The following GFRA1 variants were observed in gnomAD, a reference collection of about 807,000 sequenced individuals.
GFRA1 encodes the protein GDNF family receptor alpha-1.
GFRA1 carries 16 observed loss-of-function variants against 51.6 expected under a neutral mutation model. The ratio of observed to expected loss-of-function variants is 0.31; its 90% CI spans 0.21 to 0.47. The LOEUF (loss-of-function observed/expected upper bound fraction) is 0.47. GFRA1 is among the 20% of genes least tolerant of loss of function. GFRA1 has a pLI of 1.00. For synonymous variants in GFRA1, 270 were observed against 241.3 expected (o/e 1.12, Z -1.10); for missense variants, 530 against 594.3 (o/e 0.89, Z 1.13).
At chr10:116,211,741 C>A in intron 4 of GFRA1, 96 bp from the exon 5 acceptor site, 1 of 999,960 alleles carries the variant, frequency 1.0e-6, no homozygotes, top group East Asian at 2.6e-5. Flanking sequence ...ATGATGATGA[C>A]ATATGCTGAC....
At chr10:116,087,735 G>A (rs2133863528) in intron 9 of GFRA1, among the ~76,000 whole-genome samples, 2 of 152,254 alleles carry the variant, frequency 1.3e-5, no homozygotes, top group East Asian at 3.9e-4. Context: ...AAGAAGCTTG[G>A]AAGGCTGACC....
At chr10:116,211,360 C>T (rs59595929) in intron 5 of GFRA1, among the ~76,000 whole-genome samples, 2,391 of 152,294 alleles carry the variant, frequency 0.016, 65 homozygotes, top group African/African-American at 0.056. Context: ...TTCCAGGGCC[C>T]AGCCACAGAC....
intron 4 of GFRA1, among the ~76,000 whole-genome samples, chr10:116,246,431 C>T (rs555503033): frequency 6.6e-6 from 1 of 152,174 alleles, no homozygotes; most frequent in East Asian, 1.9e-4. Context: ...GACTCCGTCT[C>T]TAAATAAATA....
At chr10:116,198,200 G>A (rs941602574) in intron 5 of GFRA1, among the ~76,000 whole-genome samples, 10 of 151,790 alleles carry the variant, frequency 6.6e-5, no homozygotes, top group African/African-American at 1.9e-4. Context: ...GCCCCCACAC[G>A]ATACAGGTGG....
rs183121237 is a variant in GFRA1, at chr10:116,193,330, T to G, written c.433+18301A>C. ...AAGAAACAGAAAGCGTTTTTAAGAC[T>G]TTGGGGTTTTTTGAGTTGATTCTTA... On this transcript the variant is annotated intron_variant, in intron 5 of 10. Transcript: ENST00000355422. Among the ~76,000 whole-genome samples the G allele has an allele frequency of 4.3e-3, 651 of 152,262 alleles. 3 individuals carry two copies. Among genetic ancestry groups the G allele is most frequent in the African/African-American group, 0.014 (585 of 41,556 alleles).
intron 5 of GFRA1, among the ~76,000 whole-genome samples, chr10:116,127,171 T>C (rs1472592171): frequency 6.6e-6 from 1 of 152,208 alleles, no homozygotes; most frequent in African/African-American, 2.4e-5. Flanking sequence ...GAATAAGTTC[T>C]AGAGATCTGC....
At chr10:116,157,249 A>G (rs1380382960) in intron 5 of GFRA1, among the ~76,000 whole-genome samples, 2 of 152,224 alleles carry the variant, frequency 1.3e-5, no homozygotes, top group Non-Finnish European at 2.9e-5. Context: ...CTGACTTGAA[A>G]TCAAATTGTC....
chr10:116,200,526 G>C (rs1388264766), intron 5 of GFRA1, among the ~76,000 whole-genome samples: 1 of 152,188 alleles, frequency 6.6e-6, no homozygotes, highest in Non-Finnish European at 1.5e-5. Context: ...ATCTGCTATA[G>C]CTAAATATCT....
At chr10:116,178,901 T>A (rs1482720910) in intron 5 of GFRA1, among the ~76,000 whole-genome samples, 1 of 152,218 alleles carries the variant, frequency 6.6e-6, no homozygotes, top group Non-Finnish European at 1.5e-5. Flanking sequence ...GAAGGTCTGG[T>A]GTGCATCGAA....
At chr10:116,107,715 G>T (rs1957057562) in intron 6 of GFRA1, among the ~76,000 whole-genome samples, 1 of 152,186 alleles carries the variant, frequency 6.6e-6, no homozygotes, top group East Asian at 1.9e-4. Context: ...TCAGAAGGAA[G>T]TGTTGAGGTA....
At chr10:116,208,040 G>C (rs774915042) in intron 5 of GFRA1, among the ~76,000 whole-genome samples, 1 of 151,894 alleles carries the variant, frequency 6.6e-6, no homozygotes, top group Non-Finnish European at 1.5e-5. Flanking sequence ...ATTCACCTCT[G>C]ACTCCCTTTC....
chr10:116,227,049 G>A lies in GFRA1; in HGVS notation c.419-15404C>T, dbSNP rs555764243. On this transcript the variant is annotated intron_variant, in intron 4 of 10. Coordinates refer to ENST00000355422, the MANE Select transcript of GFRA1 (RefSeq NM_005264.8). ...CCTGCTCTGCAGCCCAGTTCCTACT[G>A]TCCAGGGTTGGGAACTCCTGCTCTA... Among the ~76,000 whole-genome samples the A allele has an allele frequency of 5.9e-5, 9 of 152,244 alleles. No individual in the cohort carries two copies. In the South Asian group the frequency reaches 1.9e-3, roughly 32 times the overall value.
Position 116,089,726 on chromosome 10 carries a change from G to A in GFRA1, c.1197+15C>T. 1 of 1,610,350 alleles carries A rather than the reference G, an allele frequency of 6.2e-7. No homozygotes were observed. Among genetic ancestry groups the A allele is most frequent in the Non-Finnish European group, 8.5e-7 (1 of 1,176,746 alleles). ...GGAAGGGAGCCCCAGCAAGGAATCT[G>A]GACGCAGTTCTCACCTGTAAATTTG... On this transcript the variant is annotated intron_variant, in intron 9 of 10. Transcript: ENST00000355422.
chr10:116,088,038 C>T (rs1281920161), intron 9 of GFRA1, among the ~76,000 whole-genome samples: 2 of 152,102 alleles, frequency 1.3e-5, no homozygotes, highest in African/African-American at 4.8e-5. Flanking sequence ...CGTTATCAGC[C>T]TCTCCTTAGT....
At chr10:116,196,208 A>C (rs1342906620) in intron 5 of GFRA1, among the ~76,000 whole-genome samples, 3 of 146,592 alleles carry the variant, frequency 2.0e-5, no homozygotes, top group African/African-American at 5.0e-5. Context: ...AAAAAAAAAC[A>C]GCTGGGCATG....
At chr10:116,143,548 C>G (rs1367222653) in intron 5 of GFRA1, among the ~76,000 whole-genome samples, 1 of 152,034 alleles carries the variant, frequency 6.6e-6, no homozygotes, top group Non-Finnish European at 1.5e-5. Context: ...TTGCTCTGAG[C>G]CGATGACAAA....
intron 5 of GFRA1, among the ~76,000 whole-genome samples, chr10:116,207,374 A>C (rs1305703009): frequency 6.6e-6 from 1 of 152,222 alleles, no homozygotes; most frequent in African/African-American, 2.4e-5. Context: ...CTGGCACACC[A>C]TTCCAGATTC....
chr10:116,093,743 C>T lies in GFRA1; in HGVS notation c.974G>A (p.Cys325Tyr), dbSNP rs1345033166. 1 of 1,613,850 alleles carries T rather than the reference C, an allele frequency of 6.2e-7. No individual in the cohort carries two copies. The highest frequency in any genetic ancestry group is 8.5e-7 in the Non-Finnish European group (1 of 1,179,724). ...CTTGAAGAAATTCAAAAATTTCAAGCACTCTTCTAGGTCGTTCCCACTGTT... is the reference window on the plus strand; with the variant it reads ...CTTGAAGAAATTCAAAAATTTCAAGTACTCTTCTAGGTCGTTCCCACTGTT... ...CSNSGNDLEE[C>Y]LKFLNFFKDN... is the part of the protein sequence containing the mutation. The change falls in exon 8 of 11, where the codon TGC (cysteine) becomes TAC (tyrosine). Residue 325 changes from cysteine to tyrosine, a missense_variant. Physicochemically the swap from Cys to Tyr is radical, Grantham distance 194. Transcript: ENST00000355422.
rs1565546865 is a variant in GFRA1 at position 116,064,076 on chromosome 10, GATGATCATCATCATGATC to G, written c.*304_*321del. The stretch of plus-strand genomic sequence containing the variant: ...TCATGATGATCATCATCATGATCAT[GATGATCATCATCATGATC>G]ATCATCATCATCGAAAACACAGCCC... On this transcript the variant is annotated 3_prime_UTR_variant, in exon 11 of 11. Transcript: ENST00000355422. 4.7e-4 allele frequency: 55 copies of G among 118,044 alleles called. No individual in the cohort carries two copies. The Middle Eastern group carries it at 8.3e-3, about 18-fold the overall frequency. 7.3% of individuals were successfully genotyped at this position (118,044 alleles called of 1,614,324 possible). A position where few individuals can be genotyped will look rare whatever the true frequency, so the allele number is the denominator to read the frequency against.
Sources: gnomAD v4.1 joint callset for allele counts (sites outside exome capture counted in the v4.1 genomes callset) on GRCh38, gnomAD v4.1.1 for gene constraint, MANE v1.5 for transcripts, NCBI Gene and HGNC (gene_info 2026-07-23, HGNC 2026-07-21) for gene names.